Variants in CDH18 observed in about 807,000 individuals in gnomAD.
The protein encoded by CDH18 is cadherin 18, also known as cadherin-18.
In CDH18, 31 loss-of-function variants were observed where a neutral mutation model predicts 67.9. The ratio of observed to expected loss-of-function variants is 0.46; its 90% CI spans 0.34 to 0.62. The LOEUF is 0.62. Among genes scored for constraint, CDH18 ranks in the 20% least tolerant of loss-of-function variants. The probability of loss-of-function intolerance (pLI) is 0.01; values close to 1 mark genes in which losing one functional copy is unlikely to be tolerated. For missense variants in CDH18, 890 were observed against 975.5 expected, an observed-to-expected ratio of 0.91 and a Z score of 1.17; for synonymous variants, 362 against 347.2, an observed-to-expected ratio of 1.04 and a Z score of -0.48.
chr5:19,736,016 T>C (rs1210822987), intron 4 of CDH18, among the ~76,000 whole-genome samples: 14 of 152,348 alleles, frequency 9.2e-5, no homozygotes, highest in African/African-American at 3.4e-4. Flanking sequence ...AATAATTGGA[T>C]GAGACATTTA....
intron 1 of CDH18, among the ~76,000 whole-genome samples, chr5:20,552,995 C>G (rs1026080144): frequency 6.6e-6 from 1 of 152,090 alleles, no homozygotes; most frequent in East Asian, 1.9e-4. Flanking sequence ...CCTCGTGATA[C>G]GCCCGCCTGG....
At chr5:19,871,777 G>C (rs1317707225) in intron 2 of CDH18, among the ~76,000 whole-genome samples, 1 of 152,058 alleles carries the variant, frequency 6.6e-6, no homozygotes, top group Non-Finnish European at 1.5e-5. Context: ...AGTTTTTATA[G>C]AACAGGCCTG....
intron 2 of CDH18, among the ~76,000 whole-genome samples, chr5:19,886,944 T>C (rs1244591902): frequency 6.6e-6 from 1 of 152,172 alleles, no homozygotes; most frequent in East Asian, 1.9e-4. Context: ...TTTACATTGC[T>C]ATATATTATT....
At chr5:19,557,338 C>T (rs1738619480) in intron 8 of CDH18, among the ~76,000 whole-genome samples, 1 of 151,980 alleles carries the variant, frequency 6.6e-6, no homozygotes, top group Non-Finnish European at 1.5e-5. Context: ...TTAAAAGATA[C>T]AGAATGGCAG....
chr5:20,097,193 C>G (rs1325707032), intron 2 of CDH18, among the ~76,000 whole-genome samples: 1 of 152,112 alleles, frequency 6.6e-6, no homozygotes, highest in Non-Finnish European at 1.5e-5. Context: ...AGACCACTAG[C>G]TCATCCCCAG....
intron 4 of CDH18, among the ~76,000 whole-genome samples, chr5:19,724,932 T>C (rs888609171): frequency 1.3e-5 from 2 of 150,584 alleles, no homozygotes; most frequent in African/African-American, 4.9e-5. Flanking sequence ...TAAGGCCTTT[T>C]TTTTTTTTTT....
chr5:19,866,148 TA>T (rs1785464363), intron 2 of CDH18, among the ~76,000 whole-genome samples: 1 of 152,192 alleles, frequency 6.6e-6, no homozygotes, highest in African/African-American at 2.4e-5. Flanking sequence ...CCAAGTCTCT[TA>T]AAACACATGA....
intron 2 of CDH18, among the ~76,000 whole-genome samples, chr5:20,125,416 G>C (rs949909806): frequency 1.3e-5 from 2 of 152,148 alleles, no homozygotes; most frequent in East Asian, 3.9e-4. Context: ...GAGATACAAA[G>C]TGTCATCCAC....
intron 2 of CDH18, among the ~76,000 whole-genome samples, chr5:20,234,008 C>CT (rs1580541116): frequency 6.6e-6 from 1 of 152,062 alleles, no homozygotes; most frequent in East Asian, 1.9e-4. Flanking sequence ...CTGTTTCTCT[C>CT]TTTTTTCCCA....
intron 8 of CDH18, among the ~76,000 whole-genome samples, chr5:19,570,887 T>G (rs1384207290): frequency 1.3e-5 from 2 of 152,198 alleles, no homozygotes; most frequent in Non-Finnish European, 2.9e-5. Flanking sequence ...TATTATTCTT[T>G]GTTCACATAT....
chr5:19,655,795 C>T (rs1756279469), intron 5 of CDH18, among the ~76,000 whole-genome samples: 1 of 152,064 alleles, frequency 6.6e-6, no homozygotes, highest in Non-Finnish European at 1.5e-5. Context: ...CCCGGTGTCT[C>T]TGGAAGCAAA....
At chr5:20,235,983 T>A (rs1742446629) in intron 2 of CDH18, among the ~76,000 whole-genome samples, 1 of 152,074 alleles carries the variant, frequency 6.6e-6, no homozygotes, top group Admixed American at 6.6e-5. Flanking sequence ...TTATCCTAAG[T>A]GAACTAACAC....
chr5:19,889,575 T>A (rs1788571936), intron 2 of CDH18, among the ~76,000 whole-genome samples: 1 of 152,194 alleles, frequency 6.6e-6, no homozygotes, highest in Non-Finnish European at 1.5e-5. Flanking sequence ...TGCAGAAGAA[T>A]TTATCTTAAA....
intron 1 of CDH18, among the ~76,000 whole-genome samples, chr5:20,506,211 G>A (rs1017590018): frequency 6.6e-6 from 1 of 152,126 alleles, no homozygotes; most frequent in East Asian, 1.9e-4. Context: ...CCGCCTCTTC[G>A]TACCCTTGTA....
At chr5:20,145,170 C>T (rs188988898) in intron 2 of CDH18, among the ~76,000 whole-genome samples, 2 of 151,996 alleles carry the variant, frequency 1.3e-5, no homozygotes, top group African/African-American at 4.8e-5. Flanking sequence ...ATAAAAAATA[C>T]TAAAATTTAT....
Position 19,498,762 on chromosome 5 carries a change from A to T in CDH18, c.1630+4230T>A, listed in dbSNP as rs1742754151. 2.6e-5 allele frequency among the ~76,000 whole-genome samples: 4 copies of T among 152,078 alleles called. No homozygotes were observed. In the South Asian group the frequency reaches 8.3e-4, roughly 31 times the overall value. ...GAACTTTAGCCAGTTCCTTAAGCTC[A>T]CTCTGCTACTCTTCCTCATATCTTA... On this transcript the variant is annotated intron_variant, in intron 11 of 12. Coordinates refer to ENST00000382275, the MANE Select transcript of CDH18 (RefSeq NM_004934.5).
At chr5:20,414,721 G>T (rs1170421852) in intron 1 of CDH18, among the ~76,000 whole-genome samples, 1 of 152,126 alleles carries the variant, frequency 6.6e-6, no homozygotes, top group Non-Finnish European at 1.5e-5. Flanking sequence ...TGAAAAGGTG[G>T]TCAACATCAC....
At chr5:19,853,901 C>A (rs1403444261) in intron 2 of CDH18, among the ~76,000 whole-genome samples, 1 of 152,044 alleles carries the variant, frequency 6.6e-6, no homozygotes, top group African/African-American at 2.4e-5. Flanking sequence ...GGGAGAACTC[C>A]TTTTTTAGCC....
intron 2 of CDH18, among the ~76,000 whole-genome samples, chr5:20,184,505 T>A (rs1212120946): frequency 6.6e-6 from 1 of 152,128 alleles, no homozygotes; most frequent in Non-Finnish European, 1.5e-5. Flanking sequence ...TCATTCTGCC[T>A]CTGCATATCA....
Sources: gnomAD v4.1 joint callset for allele counts (sites outside exome capture counted in the v4.1 genomes callset) on GRCh38, gnomAD v4.1.1 for gene constraint, MANE v1.5 for transcripts, NCBI Gene and HGNC (gene_info 2026-07-23, HGNC 2026-07-21) for gene names.